TRAPPC10: variants seen among roughly 807,000 people sequenced by gnomAD.
The protein encoded by TRAPPC10 is trafficking protein particle complex subunit 10.
TRAPPC10 carries 23 observed loss-of-function variants against 125.5 expected under a neutral mutation model. The ratio of observed to expected loss-of-function variants is 0.18; its 90% CI spans 0.13 to 0.26. The LOEUF is 0.26. Ranked by LOEUF, TRAPPC10 falls within the 10% of genes least tolerant of loss-of-function variation. The probability of loss-of-function intolerance (pLI) is 1.00; values close to 1 mark genes in which losing one functional copy is unlikely to be tolerated. For missense variants in TRAPPC10, 1,123 were observed against 1,308.4 expected (o/e 0.86, Z 2.19); for synonymous variants, 509 against 518.0 (o/e 0.98, Z 0.24).
At chr21:44,048,797 G>GTTTTTTTTTTTTTTTTTTTTTTT (rs34892092) in intron 3 of TRAPPC10, among the ~76,000 whole-genome samples, 1 of 105,612 alleles carries the variant, frequency 9.5e-6, no homozygotes, top group Non-Finnish European at 1.9e-5. Flanking sequence ...CCCACCCTGT[G>GTTTTTTTTTTTTTTTTTTTTTTT]TTTTTTTTTT....
intron 18 of TRAPPC10, among the ~76,000 whole-genome samples, chr21:44,090,739 C>A (rs1231843145): frequency 6.6e-6 from 1 of 152,120 alleles, no homozygotes; most frequent in African/African-American, 2.4e-5. Flanking sequence ...AACTTTTTAT[C>A]CATTGATGAT....
intron 1 of TRAPPC10, among the ~76,000 whole-genome samples, chr21:44,022,018 CAT>C (rs2032556073): frequency 6.6e-6 from 1 of 150,640 alleles, no homozygotes; most frequent in Non-Finnish European, 1.5e-5. Context: ...CAGTCTATGG[CAT>C]TTTTTTTTCT....
chr21:44,086,611 A>G (rs867111687), intron 15 of TRAPPC10, among the ~76,000 whole-genome samples, 191 bp from the exon 16 acceptor site: 1 of 152,168 alleles, frequency 6.6e-6, no homozygotes, highest in Non-Finnish European at 1.5e-5. Flanking sequence ...TTCTCCTTCA[A>G]CCCTGTAGTC....
intron 7 of TRAPPC10, among the ~76,000 whole-genome samples, chr21:44,066,188 T>C (rs1295462275): frequency 6.6e-6 from 1 of 152,214 alleles, no homozygotes; most frequent in Non-Finnish European, 1.5e-5. Flanking sequence ...CTGGTTGCTT[T>C]ACCAGTTGAT....
chr21:44,014,551 G>A (rs1470069179), intron 1 of TRAPPC10, among the ~76,000 whole-genome samples: 3 of 151,156 alleles, frequency 2.0e-5, no homozygotes, highest in African/African-American at 7.3e-5. Context: ...GATTACAGGC[G>A]CATGCTGCCA....
In TRAPPC10 at chr21:44,094,252, T is replaced by C; in HGVS notation, c.3168+19T>C. 6.9e-7 allele frequency: 1 copy of C among 1,456,032 alleles called. No individual in the cohort carries two copies. Among genetic ancestry groups the C allele is most frequent in the Non-Finnish European group, 9.0e-7 (1 of 1,106,286 alleles). 90.2% of individuals were successfully genotyped at this position (1,456,032 alleles called of 1,614,324 possible). On this transcript the variant is annotated intron_variant, in intron 20 of 22. Coordinates refer to ENST00000291574, the MANE Select transcript of TRAPPC10 (RefSeq NM_003274.5). ...TTTTTTTGTAAGTGATGTATTATTT[T>C]GGGAGGGTGGGGGTGAAAAAATGAA...
chr21:44,054,097 A>T (rs2035404926), intron 4 of TRAPPC10, among the ~76,000 whole-genome samples: 2 of 152,156 alleles, frequency 1.3e-5, no homozygotes, highest in Non-Finnish European at 2.9e-5. Context: ...AAATGTTGGT[A>T]ATTATAATCC....
At chr21:44,088,275 C>G (rs2038289532) in intron 17 of TRAPPC10, 1 of 277,196 alleles carries the variant, frequency 3.6e-6, no homozygotes, top group African/African-American at 2.2e-5. Context: ...TCGTGTGTGC[C>G]TCGGTGTCTG....
At chr21:44,085,677 A>G (rs2038077488) in intron 15 of TRAPPC10, among the ~76,000 whole-genome samples, 1 of 151,704 alleles carries the variant, frequency 6.6e-6, no homozygotes, top group Non-Finnish European at 1.5e-5. Flanking sequence ...ACTGTTCTCC[A>G]GCGTGGGTGA....
chr21:44,045,727 G>T (rs1307361523), intron 3 of TRAPPC10, among the ~76,000 whole-genome samples: 3 of 151,666 alleles, frequency 2.0e-5, no homozygotes. Context: ...AATTTTTTTT[G>T]TATTTTTAGT....
At chr21:44,051,969 A>C (rs923163776) in intron 3 of TRAPPC10, among the ~76,000 whole-genome samples, 1 of 152,194 alleles carries the variant, frequency 6.6e-6, no homozygotes, top group Non-Finnish European at 1.5e-5. Context: ...GACTTGCCTA[A>C]CAGACAGTAT....
chr21:44,039,906 A>G (rs956650944), intron 3 of TRAPPC10, among the ~76,000 whole-genome samples: 3 of 152,144 alleles, frequency 2.0e-5, no homozygotes, highest in Non-Finnish European at 4.4e-5. Context: ...GATGCGTCCA[A>G]TTTTATAACT....
chr21:44,014,018 A>G (rs912560278), intron 1 of TRAPPC10, among the ~76,000 whole-genome samples: 1 of 152,216 alleles, frequency 6.6e-6, no homozygotes, highest in African/African-American at 2.4e-5. Context: ...CAGAGGTTGA[A>G]CATTTTTCTC....
intron 1 of TRAPPC10, among the ~76,000 whole-genome samples, chr21:44,020,356 G>C (rs540518597): frequency 6.6e-6 from 1 of 152,170 alleles, no homozygotes; most frequent in South Asian, 2.1e-4. Flanking sequence ...TCGATCTCCT[G>C]ACCTTGTGAT....
intron 10 of TRAPPC10, among the ~76,000 whole-genome samples, 174 bp downstream of exon 10, chr21:44,076,802 A>G (rs1176835603): frequency 6.6e-6 from 1 of 152,092 alleles, no homozygotes; most frequent in Admixed American, 6.5e-5. Flanking sequence ...TAGTTCATCA[A>G]ATGTGTATTA....
intron 3 of TRAPPC10, among the ~76,000 whole-genome samples, chr21:44,051,172 A>C (rs1367245061): frequency 6.6e-6 from 1 of 152,154 alleles, no homozygotes; most frequent in Non-Finnish European, 1.5e-5. Flanking sequence ...CCAAAGTGCT[A>C]GGATTACAGG....
chr21:44,023,816 T>G (rs2032800740), intron 1 of TRAPPC10, among the ~76,000 whole-genome samples: 1 of 152,258 alleles, frequency 6.6e-6, no homozygotes, highest in African/African-American at 2.4e-5. Flanking sequence ...TCTTACTCTG[T>G]TGCCCATGCT....
chr21:44,047,532 A>ATGTG (rs33940679), intron 3 of TRAPPC10, among the ~76,000 whole-genome samples: 5,441 of 142,850 alleles, frequency 0.038, 209 homozygotes, highest in East Asian at 0.084. Flanking sequence ...CTGGGGGAGT[A>ATGTG]TGTGTGTGTG....
rs564203674 is a variant in TRAPPC10, at chr21:44,080,238, G to A, written c.1723+111G>A. 26 of 962,616 alleles carry A rather than the reference G, an allele frequency of 2.7e-5. No homozygotes were observed. In the African/African-American group the frequency reaches 3.9e-4, roughly 14 times the overall value. 59.6% of individuals were successfully genotyped at this position (962,616 alleles called of 1,614,324 possible). On this transcript the variant is annotated intron_variant, in intron 13 of 22. Transcript: ENST00000291574. Reference sequence around the variant, plus strand: ...AGTAAACAGTTGCTAACATTTTGCTGTGTAGCTGACATGTATCTATGTCTT... The same window carrying A: ...AGTAAACAGTTGCTAACATTTTGCTATGTAGCTGACATGTATCTATGTCTT...
Sources: gnomAD v4.1 joint callset for allele counts (sites outside exome capture counted in the v4.1 genomes callset) on GRCh38, gnomAD v4.1.1 for gene constraint, MANE v1.5 for transcripts, NCBI Gene and HGNC (gene_info 2026-07-23, HGNC 2026-07-21) for gene names.